SLC41A2: variants seen among roughly 807,000 people sequenced by gnomAD.
SLC41A2 encodes the protein SLC41A1-like 1.
SLC41A2 carries 32 observed loss-of-function variants against 58.3 expected under a neutral mutation model. That is an observed-to-expected ratio of 0.55 (90% CI 0.41 to 0.74). SLC41A2 has a LOEUF of 0.74. Among genes scored for constraint, SLC41A2 ranks in the 30% least tolerant of loss-of-function variants. The probability of loss-of-function intolerance (pLI) is 0.00; values close to 1 mark genes in which losing one functional copy is unlikely to be tolerated. For missense variants in SLC41A2, 514 were observed against 680.6 expected, an observed-to-expected ratio of 0.76 and a Z score of 2.72; for synonymous variants, 190 against 235.0, an observed-to-expected ratio of 0.81 and a Z score of 1.75.
At chr12:104,935,354 A>G (rs2047221032) in intron 1 of SLC41A2, among the ~76,000 whole-genome samples, 1 of 151,080 alleles carries the variant, frequency 6.6e-6, no homozygotes, top group African/African-American at 2.4e-5. Flanking sequence ...ATAGATTTTC[A>G]ATATTCTCAC....
chr12:104,859,470 C>T (rs567888690), intron 8 of SLC41A2, among the ~76,000 whole-genome samples: 26 of 152,024 alleles, frequency 1.7e-4, no homozygotes, highest in Admixed American at 6.5e-4. Flanking sequence ...AGCAAGTGAA[C>T]TGTGTTAAAG....
chr12:104,836,970 G>A (rs182308655), intron 10 of SLC41A2, among the ~76,000 whole-genome samples: 3 of 152,154 alleles, frequency 2.0e-5, no homozygotes, highest in South Asian at 2.1e-4. Flanking sequence ...ATGGCAACTC[G>A]TAAAATCATA....
At chr12:104,856,849 G>A (rs1213318500) in intron 8 of SLC41A2, among the ~76,000 whole-genome samples, 1 of 151,908 alleles carries the variant, frequency 6.6e-6, no homozygotes, top group Non-Finnish European at 1.5e-5. Context: ...CTGTAAGCCT[G>A]CCCTACAACA....
At chr12:104,938,491 T>A (rs2047371616) in intron 1 of SLC41A2, among the ~76,000 whole-genome samples, 1 of 152,228 alleles carries the variant, frequency 6.6e-6, no homozygotes, top group Non-Finnish European at 1.5e-5. Context: ...GGTTTGGCCA[T>A]GGGACTCTCT....
At chr12:104,810,720 T>C (rs1367307395) in intron 10 of SLC41A2, among the ~76,000 whole-genome samples, 2 of 152,136 alleles carry the variant, frequency 1.3e-5, no homozygotes, top group African/African-American at 2.4e-5. Flanking sequence ...TTTGGAGAAA[T>C]TGAGTCGGAG....
chr12:104,810,602 C>T (rs1443582892), intron 10 of SLC41A2, among the ~76,000 whole-genome samples: 1 of 152,110 alleles, frequency 6.6e-6, no homozygotes, highest in Non-Finnish European at 1.5e-5. Flanking sequence ...TTGTAAATAA[C>T]GTTTTATTGG....
intron 6 of SLC41A2, among the ~76,000 whole-genome samples, chr12:104,881,246 T>C (rs867822842): frequency 5.3e-5 from 8 of 152,228 alleles, no homozygotes; most frequent in African/African-American, 1.9e-4. Flanking sequence ...ATCAATTTTG[T>C]TGATCTTTTC....
At chr12:104,927,902 A>G (rs1028914863) in intron 2 of SLC41A2, 71 bp downstream of exon 2, 44 of 1,383,420 alleles carry the variant, frequency 3.2e-5, no homozygotes, top group Non-Finnish European at 4.3e-5. Flanking sequence ...GTAGTAACCT[A>G]CATAAAGCAT....
At chr12:104,890,860 G>A (rs534790588) in intron 4 of SLC41A2, among the ~76,000 whole-genome samples, 4 of 152,128 alleles carry the variant, frequency 2.6e-5, no homozygotes, top group Non-Finnish European at 5.9e-5. Flanking sequence ...ATCTGCCTGG[G>A]GCTCCATTTA....
At chr12:104,883,634 G>A (rs936688916) in intron 6 of SLC41A2, among the ~76,000 whole-genome samples, 11 of 152,144 alleles carry the variant, frequency 7.2e-5, no homozygotes, top group Non-Finnish European at 8.8e-5. Context: ...TGTTTTCCTG[G>A]GTATCACCAG....
chr12:104,817,037 T>A (rs2041438676), intron 10 of SLC41A2, among the ~76,000 whole-genome samples: 1 of 152,212 alleles, frequency 6.6e-6, no homozygotes, highest in East Asian at 1.9e-4. Flanking sequence ...AGAGAGTGTA[T>A]GTACACAAAC....
chr12:104,850,023 C>T (rs368101746), intron 8 of SLC41A2, among the ~76,000 whole-genome samples: 30 of 152,114 alleles, frequency 2.0e-4, no homozygotes, highest in East Asian at 1.9e-3. Flanking sequence ...TAAATCATAC[C>T]GAATACACTG....
At chr12:104,869,961 T>G (rs1486248748) in intron 6 of SLC41A2, among the ~76,000 whole-genome samples, 3 of 152,236 alleles carry the variant, frequency 2.0e-5, no homozygotes, top group African/African-American at 7.2e-5. Context: ...AAGATCCTGG[T>G]TAAAATAATA....
chr12:104,907,450 T>C (rs2045904005), intron 3 of SLC41A2, among the ~76,000 whole-genome samples: 1 of 152,210 alleles, frequency 6.6e-6, no homozygotes, highest in Non-Finnish European at 1.5e-5. Flanking sequence ...CATCTATAGT[T>C]TACCAACTAA....
chr12:104,859,172 G>A (rs746553940), intron 8 of SLC41A2, among the ~76,000 whole-genome samples: 50 of 152,094 alleles, frequency 3.3e-4, no homozygotes, highest in Non-Finnish European at 4.9e-4. Flanking sequence ...AAAAAATTGC[G>A]CATGTCTTTG....
At position 104,872,385 on chromosome 12, in the gene SLC41A2, G is replaced by T. The variant is rs551534606; in HGVS notation, c.1028-5806C>A. On this transcript the variant is annotated intron_variant, in intron 6 of 10. Transcript: ENST00000258538. ...AGTGGAGAGGAAAAGGGGGAAAATT[G>T]CATATTTACTTCAGATAGCAGAAAT... 2.0e-5 allele frequency among the ~76,000 whole-genome samples: 3 copies of T among 152,272 alleles called. No individual in the cohort carries two copies. In the East Asian group the frequency reaches 5.8e-4, roughly 29 times the overall value.
chr12:104,804,815 A>C lies in SLC41A2; in HGVS notation c.*337T>G, dbSNP rs1350188530. The C allele has an allele frequency of 6.1e-6, 1 of 164,596 alleles. No homozygotes were observed. Among genetic ancestry groups the C allele is most frequent in the African/African-American group, 2.4e-5 (1 of 41,700 alleles). The allele number at this position is 164,596 out of a possible 1,614,324, so 10.2% of individuals were successfully genotyped here. On this transcript the variant is annotated 3_prime_UTR_variant, in exon 11 of 11. Coordinates refer to ENST00000258538, the MANE Select transcript of SLC41A2 (RefSeq NM_001352171.3). ...CTGCTTCTTCTAATCCTGCATTACA[A>C]ATTTAATAATAAAGTACATTTCTGC...
In SLC41A2 at chr12:104,804,995, C is replaced by A; in HGVS notation, c.*157G>T. ...CTTCATTCTGGTTTTGACACAAATT[C>A]CTTAAAAAAAAATTAAGGCCATTTA... On this transcript the variant is annotated 3_prime_UTR_variant, in exon 11 of 11. Transcript: ENST00000258538. 1.7e-6 allele frequency: 1 copy of A among 574,434 alleles called. No individual in the cohort carries two copies. Among genetic ancestry groups the A allele is most frequent in the South Asian group, 3.1e-5 (1 of 32,364 alleles). 35.6% of individuals were successfully genotyped at this position (574,434 alleles called of 1,614,324 possible). A position where few individuals can be genotyped will look rare whatever the true frequency, so the allele number is the denominator to read the frequency against.
intron 10 of SLC41A2, among the ~76,000 whole-genome samples, chr12:104,828,830 T>G (rs957813752): frequency 6.6e-6 from 1 of 151,696 alleles, no homozygotes; most frequent in Non-Finnish European, 1.5e-5. Context: ...TATAACTCCA[T>G]AAGTCAACCC....
Sources: allele counts gnomAD v4.1 joint callset (sites outside exome capture counted in the v4.1 genomes callset), GRCh38; gene constraint gnomAD v4.1.1; transcripts MANE v1.5; gene names NCBI Gene and HGNC (gene_info 2026-07-23, HGNC 2026-07-21).